The following CCND2 variants were observed in gnomAD, a reference collection of about 807,000 sequenced individuals.
The protein encoded by CCND2 is G1/S-specific cyclin-D2.
In CCND2, 6 loss-of-function variants were observed where a neutral mutation model predicts 30.2. The ratio of observed to expected loss-of-function variants is 0.20; its 90% CI spans 0.11 to 0.39. CCND2 has a LOEUF of 0.39. Ranked by LOEUF, CCND2 falls within the 10% of genes least tolerant of loss-of-function variation. The pLI, the probability that CCND2 is intolerant of heterozygous loss-of-function variation, is 1.00. For missense variants in CCND2, 235 were observed against 373.4 expected (o/e 0.63, Z 3.06); for synonymous variants, 150 against 153.1 (o/e 0.98, Z 0.15).
At position 4,300,134 on chromosome 12, in the gene CCND2, A is replaced by G; in HGVS notation, c.*125A>G. The G allele has an allele frequency of 1.1e-6, 1 of 913,122 alleles. No homozygotes were observed. The highest frequency in any genetic ancestry group is 2.7e-5 in the East Asian group (1 of 37,596). 56.6% of individuals were successfully genotyped at this position (913,122 alleles called of 1,614,324 possible). On this transcript the variant is annotated 3_prime_UTR_variant, in exon 5 of 5. Transcript: ENST00000261254. ...AAAAAATTCTGCCCCCACCTAGATC[A>G]TATTTAAAGATCTTTTAGAAGTGAG...
At position 4,301,684 on chromosome 12, in the gene CCND2, GTTTT is replaced by G. The variant is rs34569142; in HGVS notation, c.*1687_*1690del. 14 of 186,576 alleles carry G rather than the reference GTTTT, an allele frequency of 7.5e-5. No homozygotes were observed. Among genetic ancestry groups the G allele is most frequent in the South Asian group, 2.2e-4 (1 of 4,610 alleles). 11.6% of individuals were successfully genotyped at this position (186,576 alleles called of 1,614,324 possible). On this transcript the variant is annotated 3_prime_UTR_variant, in exon 5 of 5. Transcript: ENST00000261254. ...TTTTAATTTTGTTTTGTTCAGTTTG[GTTTT>G]TTTTTTTTTTTGCGCTGCTAAGAAG...
intron 4 of CCND2, among the ~76,000 whole-genome samples, chr12:4,290,325 A>G (rs1439900089): frequency 6.6e-6 from 1 of 152,204 alleles, no homozygotes. Context: ...CGGGCTCCAA[A>G]CATACGCTTT....
At chr12:4,286,075 C>T (rs954560351) in intron 3 of CCND2, among the ~76,000 whole-genome samples, 4 of 152,178 alleles carry the variant, frequency 2.6e-5, no homozygotes, top group African/African-American at 9.7e-5. Flanking sequence ...TTGACCTAAG[C>T]CATGTAGGAA....
rs3217918 is a variant in CCND2 at position 4,299,750 on chromosome 12, A to C, written c.721-110A>C. The C allele has an allele frequency of 4.2e-3, 4,497 of 1,067,052 alleles. 213 individuals carry two copies. The East Asian group carries it at 0.095, about 22-fold the overall frequency. 66.1% of individuals were successfully genotyped at this position (1,067,052 alleles called of 1,614,324 possible). A position where few individuals can be genotyped will look rare whatever the true frequency, so the allele number is the denominator to read the frequency against. On this transcript the variant is annotated intron_variant, in intron 4 of 4. Transcript: ENST00000261254. The surrounding 1 kb of genome is among the most constrained non-coding windows in gnomAD (Gnocchi z 5.2). ...CCTCCTTTACTTCACATTTATTTCT[A>C]CTGGAAACTAGCACAGACTTATGCA...
At chr12:4,290,309 A>T (rs1864081907) in intron 4 of CCND2, among the ~76,000 whole-genome samples, 1 of 152,228 alleles carries the variant, frequency 6.6e-6, no homozygotes, top group Non-Finnish European at 1.5e-5. Flanking sequence ...ATATGGTTTT[A>T]AAATGCGGGC....
Position 4,300,054 on chromosome 12 carries a change from T to G in CCND2, c.*45T>G. The G allele has an allele frequency of 3.2e-6, 5 of 1,559,086 alleles. No individual in the cohort carries two copies. Among genetic ancestry groups the G allele is most frequent in the Non-Finnish European group, 4.4e-6 (5 of 1,148,020 alleles). ...AGAGAGAGACGCGTCCATAATCTGG[T>G]CTCTTCTTCTTTCTGGTTGTTTTTG... On this transcript the variant is annotated 3_prime_UTR_variant, in exon 5 of 5. Transcript: ENST00000261254.
chr12:4,297,767 C>T (rs3217908), intron 4 of CCND2: 4,665 of 375,278 alleles, frequency 0.012, 43 homozygotes, highest in Non-Finnish European at 0.017. Context: ...CTCAACAGGT[C>T]GGACAGGGTA....
In CCND2 at chr12:4,274,256, C is replaced by T. The variant is rs558500960; in HGVS notation, c.195+21C>T. 2.5e-5 allele frequency: 41 copies of T among 1,611,792 alleles called. No homozygotes were observed. In the South Asian group the frequency reaches 4.0e-4, roughly 16 times the overall value. ...TGGAGGTAGGTCGGGGGGTGGCGCT[C>T]GCCAGGAGCCAGGACCCCTCCGGAT... is the stretch of plus-strand genomic sequence containing the variant. On this transcript the variant is annotated intron_variant, in intron 1 of 4. Transcript: ENST00000261254. The surrounding 1 kb of genome is among the most constrained non-coding windows in gnomAD (Gnocchi z 7.7).
chr12:4,289,817 G>T (rs1030983557), intron 4 of CCND2, among the ~76,000 whole-genome samples: 3 of 152,204 alleles, frequency 2.0e-5, no homozygotes, highest in Non-Finnish European at 4.4e-5. Flanking sequence ...GAAGTAACCA[G>T]CCAGGAGCGG....
Position 4,273,831 on chromosome 12 carries a change from C to T in CCND2, c.-210C>T. ...GGGAGGACCGGTGCGAGTGAGGCAGCCCCGAGGCTCTGCTCGCCCACCACC... is the reference window on the plus strand; with the variant it reads ...GGGAGGACCGGTGCGAGTGAGGCAGTCCCGAGGCTCTGCTCGCCCACCACC... On this transcript the variant is annotated 5_prime_UTR_variant, in exon 1 of 5. Transcript: ENST00000261254. This position sits in a 1 kb window ranked among gnomAD's most constrained non-coding sequence, Gnocchi z 5.9. 1.7e-6 allele frequency: 1 copy of T among 601,764 alleles called. No homozygotes were observed. Among genetic ancestry groups the T allele is most frequent in the East Asian group, 2.8e-5 (1 of 35,664 alleles). The allele number at this position is 601,764 out of a possible 1,614,324, so 37.3% of individuals were successfully genotyped here. A position where few individuals can be genotyped will look rare whatever the true frequency, so the allele number is the denominator to read the frequency against.
In CCND2 at chr12:4,299,737, C is replaced by A; in HGVS notation, c.721-123C>A. 1.0e-6 allele frequency: 1 copy of A among 996,110 alleles called. No individual in the cohort carries two copies. 61.7% of individuals were successfully genotyped at this position (996,110 alleles called of 1,614,324 possible). A position where few individuals can be genotyped will look rare whatever the true frequency, so the allele number is the denominator to read the frequency against. The stretch of plus-strand genomic sequence containing the variant: ...CTTTAAGAACATCCCTCCTTTACTT[C>A]ACATTTATTTCTACTGGAAACTAGC... On this transcript the variant is annotated intron_variant, in intron 4 of 4. Transcript: ENST00000261254. The surrounding 1 kb of genome is among the most constrained non-coding windows in gnomAD (Gnocchi z 5.2).
rs1016606269 is a variant in CCND2 at position 4,287,273 on chromosome 12, T to C, written c.572-1569T>C. ...CTGTGCTTGGCTCAGGGATCCACGG[T>C]GTCTAACAATGCTGCTAACTTGATG... On this transcript the variant is annotated intron_variant, in intron 3 of 4. Transcript: ENST00000261254. This position sits in a 1 kb window ranked among gnomAD's most constrained non-coding sequence, Gnocchi z 4.0. Among the ~76,000 whole-genome samples, 1 of 152,188 alleles carries C rather than the reference T, an allele frequency of 6.6e-6. No individual in the cohort carries two copies. Among genetic ancestry groups the C allele is most frequent in the African/African-American group, 2.4e-5 (1 of 41,442 alleles).
At chr12:4,281,172 A>G (rs1157528883) in intron 3 of CCND2, among the ~76,000 whole-genome samples, 1 of 152,258 alleles carries the variant, frequency 6.6e-6, no homozygotes, top group Non-Finnish European at 1.5e-5. Flanking sequence ...AGGCGTTGAC[A>G]GGGCAGAGCA....
At position 4,300,872 on chromosome 12, in the gene CCND2, G is replaced by C. The variant is rs1245110411; in HGVS notation, c.*863G>C. 4.3e-6 allele frequency: 1 copy of C among 233,578 alleles called. No homozygotes were observed. Among genetic ancestry groups the C allele is most frequent in the Non-Finnish European group, 8.5e-6 (1 of 118,070 alleles). 14.5% of individuals were successfully genotyped at this position (233,578 alleles called of 1,614,324 possible). A position where few individuals can be genotyped will look rare whatever the true frequency, so the allele number is the denominator to read the frequency against. ...CTTTTCTGTTATTGTATTTAAAAGG[G>C]TAATGTGGCCTTGGCATTTCTTCTT... On this transcript the variant is annotated 3_prime_UTR_variant, in exon 5 of 5. Transcript: ENST00000261254.
rs3217802 is a variant in CCND2 at position 4,278,019 on chromosome 12, C to T, written c.412-741C>T. Among the ~76,000 whole-genome samples the T allele has an allele frequency of 8.9e-3, 1,349 of 152,348 alleles. 20 individuals carry two copies. Among genetic ancestry groups the T allele is most frequent in the African/African-American group, 0.031 (1,283 of 41,570 alleles). On this transcript the variant is annotated intron_variant, in intron 2 of 4. Transcript: ENST00000261254. ...GGGTTGTGTGGTCCCCACACTTGCA[C>T]TGAGGGATGCTGTGACACTGAGCAG...
rs200011361 is a variant in CCND2 at position 4,274,241 on chromosome 12, T to C, written c.195+6T>C. ...TGGCCACCTGGATGCTGGAGGTAGG[T>C]CGGGGGGTGGCGCTCGCCAGGAGCC... On this transcript the variant is annotated splice_donor_region_variant and intron_variant, in intron 1 of 4. Transcript: ENST00000261254. The surrounding 1 kb of genome is among the most constrained non-coding windows in gnomAD (Gnocchi z 7.7). 1 of 1,612,550 alleles carries C rather than the reference T, an allele frequency of 6.2e-7. No homozygotes were observed. Among genetic ancestry groups the C allele is most frequent in the East Asian group, 2.2e-5 (1 of 44,780 alleles).
intron 3 of CCND2, among the ~76,000 whole-genome samples, chr12:4,279,765 A>T (rs1475615544): frequency 6.6e-6 from 1 of 150,708 alleles, no homozygotes; most frequent in East Asian, 2.0e-4. Flanking sequence ...AGACCCTGGA[A>T]CCTTACTCAT....
Position 4,285,346 on chromosome 12 carries a change from C to T in CCND2, c.572-3496C>T. On this transcript the variant is annotated intron_variant, in intron 3 of 4. Transcript: ENST00000261254. The surrounding 1 kb of genome is among the most constrained non-coding windows in gnomAD (Gnocchi z 4.1). ...GCAATTAACGATGGCGAGGGCACAC[C>T]CTCACCCCTGAGCGTGCCTTCTGCA... The T allele has an allele frequency of 1.0e-6, 1 of 985,320 alleles. No individual in the cohort carries two copies. The highest frequency in any genetic ancestry group is 1.2e-6 in the Non-Finnish European group (1 of 829,842). The allele number at this position is 985,320 out of a possible 1,614,324, so 61.0% of individuals were successfully genotyped here.
In CCND2 at chr12:4,287,682, G is replaced by T. The variant is rs151019550; in HGVS notation, c.572-1160G>T. 6.6e-6 allele frequency among the ~76,000 whole-genome samples: 1 copy of T among 152,166 alleles called. No individual in the cohort carries two copies. The highest frequency in any genetic ancestry group is 1.5e-5 in the Non-Finnish European group (1 of 68,030). ...TTCTCACCCATACCATTAGGGTGAC[G>T]CTCGTGTGCATCTTCTGTGGCTGAT... On this transcript the variant is annotated intron_variant, in intron 3 of 4. Coordinates refer to ENST00000261254, the MANE Select transcript of CCND2 (RefSeq NM_001759.4). This position sits in a 1 kb window ranked among gnomAD's most constrained non-coding sequence, Gnocchi z 4.0.
Sources: gnomAD v4.1 joint callset for allele counts (sites outside exome capture counted in the v4.1 genomes callset) on GRCh38, gnomAD v4.1.1 for gene constraint, Gnocchi (gnomAD v3.1) non-coding constraint, MANE v1.5 for transcripts, NCBI Gene and HGNC (gene_info 2026-07-23, HGNC 2026-07-21) for gene names.